ANKRD30B: variants seen among roughly 807,000 people sequenced by gnomAD.
ANKRD30B encodes ankyrin repeat domain-containing protein 30B.
A neutral mutation model predicts 202.2 loss-of-function variants in ANKRD30B; 144 were observed. The observed-to-expected ratio is 0.71, with a 90% CI of 0.62 to 0.82. The LOEUF is 0.82. Ranked by LOEUF, ANKRD30B falls within the 40% of genes least tolerant of loss-of-function variation. The pLI is 0.00. For missense variants in ANKRD30B, 1,487 were observed against 1,669.1 expected (o/e 0.89, Z 1.90); for synonymous variants, 508 against 561.3 (o/e 0.91, Z 1.34).
the ANKRD30B span, among the ~76,000 whole-genome samples, chr18:14,871,977 G>A: frequency 6.6e-6 from 1 of 152,118 alleles, no homozygotes; most frequent in Non-Finnish European, 1.5e-5. Context: ...ACTTACATTA[G>A]CTTGTTTAAG....
intron 7 of ANKRD30B, among the ~76,000 whole-genome samples, chr18:14,766,993 T>C (rs1916336037): frequency 6.6e-6 from 1 of 152,214 alleles, no homozygotes; most frequent in Non-Finnish European, 1.5e-5. Context: ...GTTGATATGG[T>C]TGATATTTCT....
chr18:14,853,498 A>G (rs1971970892), intron 42 of ANKRD30B, among the ~76,000 whole-genome samples: 1 of 150,902 alleles, frequency 6.6e-6, no homozygotes, highest in South Asian at 2.1e-4. Context: ...AGAAGGAAAG[A>G]ATTCCACTGT....
the ANKRD30B span, among the ~76,000 whole-genome samples, chr18:14,863,653 G>C: frequency 6.6e-6 from 1 of 151,866 alleles, no homozygotes; most frequent in East Asian, 1.9e-4. Flanking sequence ...AGGACTAGAT[G>C]AATTCACAGC....
intron 34 of ANKRD30B, among the ~76,000 whole-genome samples, chr18:14,835,373 CAG>C (rs1178289518): frequency 6.6e-6 from 1 of 151,456 alleles, no homozygotes; most frequent in Non-Finnish European, 1.5e-5. Flanking sequence ...GAAGATTTAA[CAG>C]AGTAAACAAA....
chr18:14,903,634 C>T, the ANKRD30B span: 35 of 152,186 alleles, frequency 2.3e-4, no homozygotes, highest in African/African-American at 8.2e-4. Context: ...AGAACGTTCT[C>T]CTCCAGCCTC....
chr18:14,839,063 T>C (rs1568065143), intron 36 of ANKRD30B, among the ~76,000 whole-genome samples: 1 of 152,204 alleles, frequency 6.6e-6, no homozygotes, highest in Non-Finnish European at 1.5e-5. Flanking sequence ...GAGACTTTCC[T>C]GATGAGATTT....
the ANKRD30B span, among the ~76,000 whole-genome samples, chr18:14,916,273 A>G: frequency 1.3e-5 from 2 of 152,204 alleles, no homozygotes; most frequent in Non-Finnish European, 2.9e-5. Flanking sequence ...GGGTGGCAGG[A>G]ATCCCGTCAG....
At chr18:14,794,412 A>C (rs1294827197) in intron 16 of ANKRD30B, among the ~76,000 whole-genome samples, 3 of 151,264 alleles carry the variant, frequency 2.0e-5, no homozygotes, top group Non-Finnish European at 4.4e-5. Context: ...AAAGCCAGCT[A>C]TTTTCTTCAT....
intron 18 of ANKRD30B, 40 bp downstream of exon 18, chr18:14,796,455 T>C (rs925689983): frequency 2.0e-6 from 3 of 1,508,346 alleles, no homozygotes; most frequent in Non-Finnish European, 2.7e-6. Flanking sequence ...TAATTAAGAA[T>C]ATTAAACTAT....
chr18:14,759,673 T>A (rs1360506019), intron 5 of ANKRD30B, among the ~76,000 whole-genome samples: 1 of 152,212 alleles, frequency 6.6e-6, no homozygotes, highest in Non-Finnish European at 1.5e-5. Context: ...GATCTGTTAG[T>A]TTTCTGCCCT....
intron 10 of ANKRD30B, 137 bp downstream of exon 10, chr18:14,778,212 G>A (rs1365541496): frequency 1.4e-5 from 9 of 636,524 alleles, no homozygotes; most frequent in African/African-American, 5.6e-5. Context: ...TGAAAGTTAT[G>A]TGTCTTCTCA....
At chr18:14,800,827 A>G (rs1306159589) in intron 22 of ANKRD30B, among the ~76,000 whole-genome samples, 2 of 50,714 alleles carry the variant, frequency 3.9e-5, no homozygotes, top group African/African-American at 1.6e-4. Context: ...GATCAGCATT[A>G]TAATTTTTAG....
intron 9 of ANKRD30B, among the ~76,000 whole-genome samples, chr18:14,774,705 A>G (rs1967239853): frequency 6.6e-6 from 1 of 152,182 alleles, no homozygotes; most frequent in African/African-American, 2.4e-5. Context: ...AATTAATACA[A>G]CTGTAAATTA....
At chr18:14,889,181 AGGAC>A in the ANKRD30B span, among the ~76,000 whole-genome samples, 7 of 151,868 alleles carry the variant, frequency 4.6e-5, no homozygotes, top group South Asian at 1.5e-3. Flanking sequence ...CTTTAAAATT[AGGAC>A]CTATTTCCCC....
chr18:14,932,701 C>T, the ANKRD30B span, among the ~76,000 whole-genome samples: 1 of 152,146 alleles, frequency 6.6e-6, no homozygotes, highest in Non-Finnish European at 1.5e-5. Context: ...GTCCATTCTC[C>T]CTGTAGCCCC....
intron 16 of ANKRD30B, among the ~76,000 whole-genome samples, chr18:14,795,813 T>C (rs1467574913): frequency 6.6e-6 from 1 of 152,056 alleles, no homozygotes; most frequent in Non-Finnish European, 1.5e-5. Context: ...ATGTGTTTCC[T>C]TAACAATATG....
intron 14 of ANKRD30B, among the ~76,000 whole-genome samples, chr18:14,785,898 T>C (rs1341812893): frequency 2.0e-5 from 3 of 151,784 alleles, no homozygotes; most frequent in Non-Finnish European, 2.9e-5. Context: ...ATTAGCCGGG[T>C]GCGGTGGCGG....
the ANKRD30B span, among the ~76,000 whole-genome samples, chr18:14,923,538 C>T: frequency 1.3e-5 from 2 of 152,150 alleles, no homozygotes; most frequent in Admixed American, 1.3e-4. Context: ...GGCCCTGTCT[C>T]CTGGATGGCA....
At chr18:14,820,119 A>C (rs1390376946) in intron 30 of ANKRD30B, among the ~76,000 whole-genome samples, 1 of 152,072 alleles carries the variant, frequency 6.6e-6, no homozygotes, top group Admixed American at 6.6e-5. Flanking sequence ...ATTCTCTTTG[A>C]AGCAATTGTG....
Sources: gnomAD v4.1 joint callset for allele counts (sites outside exome capture counted in the v4.1 genomes callset) on GRCh38, gnomAD v4.1.1 for gene constraint, MANE v1.5 for transcripts, NCBI Gene and HGNC (gene_info 2026-07-23, HGNC 2026-07-21) for gene names.